PLCB1: variants seen among roughly 807,000 people sequenced by gnomAD.
PLCB1 encodes phospholipase C beta 1.
A neutral mutation model predicts 161.8 loss-of-function variants in PLCB1; 46 were observed. The ratio of observed to expected loss-of-function variants is 0.28; its 90% CI spans 0.22 to 0.36. The LOEUF (loss-of-function observed/expected upper bound fraction) is 0.36, where lower values mean the gene tolerates loss of function less well. Among genes scored for constraint, PLCB1 ranks in the 10% least tolerant of loss-of-function variants. The pLI is 1.00. For missense variants in PLCB1, 1,016 were observed against 1,472.5 expected (o/e 0.69, Z 5.07); for synonymous variants, 517 against 503.7 (o/e 1.03, Z -0.35).
At chr20:8,260,934 C>A (rs939931339) in intron 2 of PLCB1, among the ~76,000 whole-genome samples, 1 of 152,128 alleles carries the variant, frequency 6.6e-6, no homozygotes, top group Non-Finnish European at 1.5e-5. Context: ...TTCCACCAAT[C>A]TGGAGACTGC....
rs1386319987 is a variant in PLCB1, at chr20:8,407,782, CT to C, written c.246+36334del. On this transcript the variant is annotated intron_variant, in intron 3 of 31. Transcript: ENST00000338037. Reference sequence around the variant, plus strand: ...TTAAGTCATGTTGCTGGTTTGTAACCTTGGTGTGATGTAATAATGACATTAT... The same window carrying C: ...TTAAGTCATGTTGCTGGTTTGTAACCTGGTGTGATGTAATAATGACATTAT... Among the ~76,000 whole-genome samples, 3 of 152,108 alleles carry C rather than the reference CT, an allele frequency of 2.0e-5. No individual in the cohort carries two copies. The East Asian group carries it at 5.8e-4, about 29-fold the overall frequency.
At chr20:8,331,914 A>G (rs183433189) in intron 2 of PLCB1, among the ~76,000 whole-genome samples, 164 of 152,322 alleles carry the variant, frequency 1.1e-3, no homozygotes, top group African/African-American at 3.7e-3. Flanking sequence ...AGGTAAGACA[A>G]TTGGATCGAG....
chr20:8,402,738 G>T (rs975341727), intron 3 of PLCB1, among the ~76,000 whole-genome samples: 22 of 151,650 alleles, frequency 1.5e-4, no homozygotes, highest in Admixed American at 1.4e-3. Context: ...CTAGCTACTC[G>T]GGAGGCTGAG....
At chr20:8,428,224 ATT>A (rs5840267) in intron 3 of PLCB1, among the ~76,000 whole-genome samples, 73 of 148,900 alleles carry the variant, frequency 4.9e-4, no homozygotes, top group Middle Eastern at 3.4e-3. Context: ...CAGGGTTTTC[ATT>A]TTTTTTTTTT....
intron 3 of PLCB1, among the ~76,000 whole-genome samples, chr20:8,566,856 C>T (rs900611294): frequency 1.4e-4 from 20 of 147,898 alleles, no homozygotes; most frequent in Non-Finnish European, 1.0e-4. Context: ...ACAGCATCAA[C>T]AGAAGATGAT....
At chr20:8,798,060 G>A (rs1984112163) in intron 31 of PLCB1, among the ~76,000 whole-genome samples, 1 of 152,130 alleles carries the variant, frequency 6.6e-6, no homozygotes, top group Admixed American at 6.5e-5. Flanking sequence ...AGTCAGGCAT[G>A]CTGGTGTGCA....
At chr20:8,201,231 G>C (rs1353440788) in intron 2 of PLCB1, among the ~76,000 whole-genome samples, 1 of 151,894 alleles carries the variant, frequency 6.6e-6, no homozygotes, top group African/African-American at 2.4e-5. Flanking sequence ...TTTCTGTCTT[G>C]TGTGTTTTAT....
chr20:8,625,743 C>A (rs1265702285), intron 3 of PLCB1, among the ~76,000 whole-genome samples: 2 of 152,006 alleles, frequency 1.3e-5, no homozygotes, highest in Admixed American at 1.3e-4. Context: ...AAATGTTAAC[C>A]ATCCAGATGT....
At chr20:8,592,276 A>G (rs1182334732) in intron 3 of PLCB1, among the ~76,000 whole-genome samples, 4 of 152,220 alleles carry the variant, frequency 2.6e-5, no homozygotes, top group South Asian at 4.1e-4. Context: ...CCATTAATAC[A>G]GTAAAAAAAA....
chr20:8,711,389 C>T (rs1343297876), intron 12 of PLCB1, among the ~76,000 whole-genome samples: 1 of 152,234 alleles, frequency 6.6e-6, no homozygotes. Flanking sequence ...GACATGAAAA[C>T]TAATTTCTGC....
At chr20:8,203,103 A>G (rs1320303996) in intron 2 of PLCB1, among the ~76,000 whole-genome samples, 1 of 151,844 alleles carries the variant, frequency 6.6e-6, no homozygotes, top group Non-Finnish European at 1.5e-5. Flanking sequence ...ACGCGCACAC[A>G]CACACACACA....
intron 31 of PLCB1, among the ~76,000 whole-genome samples, chr20:8,864,884 CCCCAAGTTTTGGGAAGCAGCG>C (rs1465577897): frequency 1.3e-5 from 2 of 152,136 alleles, no homozygotes; most frequent in Non-Finnish European, 2.9e-5. Flanking sequence ...CTGAAGAAAC[CCCCAAGTTTTGGGAAGCAGCG>C]CCAGAATTAT....
At chr20:8,473,378 T>C (rs1056142762) in intron 3 of PLCB1, among the ~76,000 whole-genome samples, 4 of 149,326 alleles carry the variant, frequency 2.7e-5, no homozygotes, top group Middle Eastern at 3.2e-3. Context: ...TTAAGTAATT[T>C]CTTTAATAAG....
At chr20:8,329,242 AAGTG>A (rs1353685537) in intron 2 of PLCB1, among the ~76,000 whole-genome samples, 3 of 152,170 alleles carry the variant, frequency 2.0e-5, no homozygotes, top group Non-Finnish European at 4.4e-5. Context: ...ATGTGCTTGG[AAGTG>A]AGTGAAAGTC....
intron 3 of PLCB1, among the ~76,000 whole-genome samples, chr20:8,609,643 A>G (rs1987848651): frequency 6.6e-6 from 1 of 152,094 alleles, no homozygotes; most frequent in African/African-American, 2.4e-5. Flanking sequence ...CATGATTTAC[A>G]CATGGTTCTT....
At chr20:8,722,302 A>G in intron 14 of PLCB1, 52 bp from the exon 15 acceptor site, 1 of 1,359,272 alleles carries the variant, frequency 7.4e-7, no homozygotes, top group South Asian at 1.2e-5. Flanking sequence ...CAAATGCTGT[A>G]AAGCTAAATG....
intron 1 of PLCB1, among the ~76,000 whole-genome samples, chr20:8,144,889 T>C (rs1389152523): frequency 6.6e-6 from 1 of 152,178 alleles, no homozygotes; most frequent in Non-Finnish European, 1.5e-5. Flanking sequence ...TTCATGTGTG[T>C]TCTCTTGTAA....
At chr20:8,761,520 G>T (rs529429671) in intron 25 of PLCB1, among the ~76,000 whole-genome samples, 44 of 152,242 alleles carry the variant, frequency 2.9e-4, no homozygotes, top group African/African-American at 8.4e-4. Flanking sequence ...AACATGGTTT[G>T]GTTTTGTTTT....
intron 3 of PLCB1, among the ~76,000 whole-genome samples, chr20:8,566,319 A>G (rs897473758): frequency 1.3e-5 from 2 of 152,126 alleles, no homozygotes; most frequent in Non-Finnish European, 2.9e-5. Context: ...CTCAGTTTCT[A>G]TCGGGTTTTC....
Sources: allele counts gnomAD v4.1 joint callset (sites outside exome capture counted in the v4.1 genomes callset), GRCh38; gene constraint gnomAD v4.1.1; transcripts MANE v1.5; gene names NCBI Gene and HGNC (gene_info 2026-07-23, HGNC 2026-07-21).